KCND2: variants seen among roughly 807,000 people sequenced by gnomAD.
KCND2 encodes potassium voltage-gated channel subfamily D member 2.
A neutral mutation model predicts 54.4 loss-of-function variants in KCND2; 16 were observed. That is an observed-to-expected ratio of 0.29 (90% CI 0.20 to 0.45). The LOEUF (loss-of-function observed/expected upper bound fraction) is 0.45, where lower values mean the gene tolerates loss of function less well. Ranked by LOEUF, KCND2 falls within the 20% of genes least tolerant of loss-of-function variation. KCND2 has a pLI of 1.00. For synonymous variants in KCND2, 317 were observed against 310.7 expected (o/e 1.02, Z -0.21); for missense variants, 486 against 824.2 (o/e 0.59, Z 5.02).
chr7:120,483,176 G>C (rs967691030), intron 1 of KCND2, among the ~76,000 whole-genome samples: 2 of 152,134 alleles, frequency 1.3e-5, no homozygotes, highest in African/African-American at 4.8e-5. Flanking sequence ...CACTCAATTA[G>C]CCTTTCTTCC....
chr7:120,274,535 A>T lies in KCND2; in HGVS notation c.-98A>T. On this transcript the variant is annotated 5_prime_UTR_variant, in exon 1 of 6. Coordinates refer to ENST00000331113, the MANE Select transcript of KCND2 (RefSeq NM_012281.3). ...ACACCTCTGGACCACGTTTCTCACT[A>T]GTACTTTGCTTGACTGGAGGAAGTG... is the stretch of plus-strand genomic sequence containing the variant. 1.5e-6 allele frequency: 2 copies of T among 1,350,732 alleles called. No individual in the cohort carries two copies. Among genetic ancestry groups the T allele is most frequent in the Non-Finnish European group, 2.1e-6 (2 of 941,684 alleles). The allele number at this position is 1,350,732 out of a possible 1,614,324, so 83.7% of individuals were successfully genotyped here. A position where few individuals can be genotyped will look rare whatever the true frequency, so the allele number is the denominator to read the frequency against.
At chr7:120,658,579 C>CCATGACACTA (rs1184648505) in intron 1 of KCND2, among the ~76,000 whole-genome samples, 1 of 152,166 alleles carries the variant, frequency 6.6e-6, no homozygotes, top group Admixed American at 6.5e-5. Flanking sequence ...TTACTGTTTT[C>CCATGACACTA]CATGACACTA....
intron 1 of KCND2, among the ~76,000 whole-genome samples, chr7:120,398,071 A>C (rs1275581458): frequency 7.1e-6 from 1 of 141,162 alleles, no homozygotes; most frequent in African/African-American, 2.6e-5. Flanking sequence ...TGTTTTAGTT[A>C]ATTAAATTTC....
At chr7:120,307,742 A>G (rs866798236) in intron 1 of KCND2, among the ~76,000 whole-genome samples, 9 of 152,088 alleles carry the variant, frequency 5.9e-5, no homozygotes, top group Non-Finnish European at 1.3e-4. Flanking sequence ...AATTGGAATT[A>G]CTCTTTAGAA....
At chr7:120,431,654 T>G (rs748196699) in intron 1 of KCND2, among the ~76,000 whole-genome samples, 1 of 152,218 alleles carries the variant, frequency 6.6e-6, no homozygotes, top group African/African-American at 2.4e-5. Context: ...AGCCTCAGTA[T>G]TATTTTTTGT....
Position 120,275,581 on chromosome 7 carries a change from C to T in KCND2, c.949C>T (p.Leu317=), listed in dbSNP as rs3814462. ...SQGLRILGYT[L]KSCASELGFL... is the part of the protein sequence containing the mutation. The stretch of plus-strand genomic sequence containing the variant: ...AGGCCTGCGCATCCTGGGGTACACA[C>T]TGAAGAGTTGTGCCTCAGAATTGGG... The change falls in exon 1 of 6, where the codon CTG becomes TTG. Residue 317 remains leucine (L), a synonymous_variant. Coordinates refer to ENST00000331113, the MANE Select transcript of KCND2 (RefSeq NM_012281.3). 5.5e-5 allele frequency: 88 copies of T among 1,613,606 alleles called. No individual in the cohort carries two copies. The East Asian group carries it at 1.0e-3, about 19-fold the overall frequency.
At chr7:120,386,047 A>G (rs1584756993) in intron 1 of KCND2, among the ~76,000 whole-genome samples, 2 of 152,084 alleles carry the variant, frequency 1.3e-5, no homozygotes, top group African/African-American at 4.8e-5. Flanking sequence ...TGCAAGGCTC[A>G]CCTTTTCTGT....
intron 1 of KCND2, among the ~76,000 whole-genome samples, chr7:120,417,428 G>T (rs1801539788): frequency 1.3e-5 from 2 of 152,084 alleles, no homozygotes; most frequent in Non-Finnish European, 2.9e-5. Flanking sequence ...TGACTGAAAA[G>T]ATTTATTGAG....
rs560355577 is a variant in KCND2 at position 120,521,926 on chromosome 7, C to T, written c.1116-210977C>T. 2.0e-5 allele frequency among the ~76,000 whole-genome samples: 3 copies of T among 152,284 alleles called. No individual in the cohort carries two copies. In the South Asian group the frequency reaches 6.2e-4, roughly 32 times the overall value. On this transcript the variant is annotated intron_variant, in intron 1 of 5. Transcript: ENST00000331113. ...GTGACATTTCTGGATCCTGTATCAT[C>T]AGCTATTCAGTTGCCTGAAGGCAAA...
intron 1 of KCND2, among the ~76,000 whole-genome samples, chr7:120,473,347 G>A (rs2116264840): frequency 6.6e-6 from 1 of 152,302 alleles, no homozygotes; most frequent in South Asian, 2.1e-4. Context: ...TCTGGTGACA[G>A]CAACAAAAAG....
At chr7:120,413,790 TG>T (rs1319055130) in intron 1 of KCND2, among the ~76,000 whole-genome samples, 1 of 151,904 alleles carries the variant, frequency 6.6e-6, no homozygotes, top group East Asian at 2.0e-4. Flanking sequence ...AAATATTTCT[TG>T]TTGGCTGATT....
rs200250704 is a variant in KCND2 at position 120,702,873 on chromosome 7, A to AC, written c.1116-30023dup. ...GAGTGACAAAATAATCTGTACAATAACCCCCCCGTCACAGGTTTACCTATA... is the reference window on the plus strand; with the variant it reads ...GAGTGACAAAATAATCTGTACAATAACCCCCCCCGTCACAGGTTTACCTATA... On this transcript the variant is annotated intron_variant, in intron 1 of 5. Transcript: ENST00000331113. Among the ~76,000 whole-genome samples the AC allele has an allele frequency of 5.5e-3, 830 of 151,406 alleles. 5 individuals are homozygous for AC. Among genetic ancestry groups the AC allele is most frequent in the East Asian group, 0.03 (153 of 5,148 alleles).
chr7:120,598,774 G>A (rs1792779197), intron 1 of KCND2, among the ~76,000 whole-genome samples: 1 of 151,786 alleles, frequency 6.6e-6, no homozygotes, highest in Non-Finnish European at 1.5e-5. Flanking sequence ...TGCTTGCATT[G>A]TTACTTTCTT....
intron 1 of KCND2, among the ~76,000 whole-genome samples, chr7:120,313,992 T>C (rs926266558): frequency 6.6e-6 from 1 of 151,546 alleles, no homozygotes; most frequent in African/African-American, 2.4e-5. Flanking sequence ...TTCTACTTGC[T>C]TCAAAAAGAG....
chr7:120,705,533 G>A (rs1187395983), intron 1 of KCND2, among the ~76,000 whole-genome samples: 3 of 152,066 alleles, frequency 2.0e-5, no homozygotes, highest in Non-Finnish European at 2.9e-5. Context: ...GATAATAATG[G>A]CTACCTGCTG....
At chr7:120,538,148 A>G (rs1367551209) in intron 1 of KCND2, among the ~76,000 whole-genome samples, 1 of 152,138 alleles carries the variant, frequency 6.6e-6, no homozygotes, top group African/African-American at 2.4e-5. Context: ...ACTGAATAAT[A>G]ATTTCAATAT....
intron 1 of KCND2, among the ~76,000 whole-genome samples, chr7:120,345,354 T>C (rs1379698109): frequency 6.6e-6 from 1 of 152,174 alleles, no homozygotes; most frequent in African/African-American, 2.4e-5. Context: ...GATTAAGACA[T>C]TTGTCAAAAA....
At chr7:120,614,552 C>T (rs1792997904) in intron 1 of KCND2, among the ~76,000 whole-genome samples, 1 of 152,124 alleles carries the variant, frequency 6.6e-6, no homozygotes, top group South Asian at 2.1e-4. Context: ...CTCACAACAC[C>T]ATCTCCTCTT....
chr7:120,363,283 G>A (rs189532457), intron 1 of KCND2, among the ~76,000 whole-genome samples: 1 of 152,184 alleles, frequency 6.6e-6, no homozygotes, highest in East Asian at 1.9e-4. Flanking sequence ...GAGCCTGGAT[G>A]ACAGAGCAAG....
Sources: gnomAD v4.1 joint callset for allele counts (sites outside exome capture counted in the v4.1 genomes callset) on GRCh38, gnomAD v4.1.1 for gene constraint, MANE v1.5 for transcripts, NCBI Gene and HGNC (gene_info 2026-07-23, HGNC 2026-07-21) for gene names.